The following KDM4A variants were observed in gnomAD, a reference collection of about 807,000 sequenced individuals.
KDM4A encodes lysine-specific demethylase 4A.
KDM4A carries 23 observed loss-of-function variants against 127.1 expected under a neutral mutation model. The ratio of observed to expected loss-of-function variants is 0.18; its 90% CI spans 0.13 to 0.26. The LOEUF is 0.26. Among genes scored for constraint, KDM4A ranks in the 10% least tolerant of loss-of-function variants. The pLI is 1.00. For missense variants in KDM4A, 890 were observed against 1,329.1 expected (o/e 0.67, Z 5.14); for synonymous variants, 443 against 466.5 (o/e 0.95, Z 0.65).
chr1:43,661,754 C>CATA (rs1660387075), intron 4 of KDM4A, among the ~76,000 whole-genome samples: 1 of 151,394 alleles, frequency 6.6e-6, no homozygotes, highest in African/African-American at 2.4e-5. Context: ...AAAAGTCAGG[C>CATA]ATAATAATAA....
chr1:43,698,899 C>T (rs1250417519), intron 19 of KDM4A, among the ~76,000 whole-genome samples: 1 of 151,206 alleles, frequency 6.6e-6, no homozygotes, highest in Non-Finnish European at 1.5e-5. Flanking sequence ...GGTGATCATC[C>T]CACCTCAGCC....
chr1:43,672,640 G>A (rs1436439190), intron 11 of KDM4A, among the ~76,000 whole-genome samples: 2 of 151,902 alleles, frequency 1.3e-5, no homozygotes, highest in African/African-American at 4.8e-5. Context: ...GACTACAGGC[G>A]CCCACCACCA....
intron 5 of KDM4A, among the ~76,000 whole-genome samples, chr1:43,664,240 T>C (rs1660450415): frequency 6.6e-6 from 1 of 152,036 alleles, no homozygotes; most frequent in Non-Finnish European, 1.5e-5. Flanking sequence ...ATCCAGGCAG[T>C]TGGAACCACA....
rs775653100 is a variant in KDM4A, at chr1:43,691,033, C to T, written c.2226C>T (p.Ser742=). Residue 742 remains serine, a synonymous_variant, in exon 14 of 22, where the codon AGC becomes AGT. Transcript: ENST00000372396. ...TSILVSCKKC[S]VRVHASCYGV... is the part of the protein sequence containing the mutation. ...TACTCGTTTCCTGCAAGAAGTGCAG[C>T]GTCCGGGTCCATGCCAGTGAGTGCT... 1.9e-5 allele frequency: 31 copies of T among 1,614,094 alleles called. No individual in the cohort carries two copies. Among genetic ancestry groups the T allele is most frequent in the South Asian group, 3.3e-5 (3 of 91,074 alleles).
rs142977437 is a variant in KDM4A at position 43,694,190 on chromosome 1, G to A, written c.2484+88G>A. On this transcript the variant is annotated intron_variant, in intron 17 of 21. Transcript: ENST00000372396. This position sits in a 1 kb window ranked among gnomAD's most constrained non-coding sequence, Gnocchi z 5.2. ...GGACCTCCTGTACCCCTTGGTTTTG[G>A]TTAGAGTTTGTGATTCTCACTCTGT... 3 of 1,027,308 alleles carry A rather than the reference G, an allele frequency of 2.9e-6. No individual in the cohort carries two copies. Among genetic ancestry groups the A allele is most frequent in the East Asian group, 2.6e-5 (1 of 38,550 alleles). The allele number at this position is 1,027,308 out of a possible 1,614,324, so 63.6% of individuals were successfully genotyped here.
At chr1:43,664,327 G>A (rs1025501917) in intron 5 of KDM4A, among the ~76,000 whole-genome samples, 1 of 152,008 alleles carries the variant, frequency 6.6e-6, no homozygotes, top group Admixed American at 6.6e-5. Context: ...AGCACTTTGG[G>A]AAGCCGAGGT....
intron 2 of KDM4A, chr1:43,653,771 T>G (rs1660172366): frequency 6.6e-6 from 1 of 152,454 alleles, no homozygotes; most frequent in African/African-American, 2.4e-5. Flanking sequence ...TAATTTGAAA[T>G]TGGTTTCTGG....
intron 19 of KDM4A, 59 bp downstream of exon 19, chr1:43,698,072 G>T: frequency 6.4e-7 from 1 of 1,555,762 alleles, no homozygotes. Flanking sequence ...TCTAAGGTCT[G>T]GCTGGCAGAC....
At chr1:43,653,031 G>A (rs1383244345) in intron 1 of KDM4A, 106 bp from the exon 2 acceptor site, 3 of 610,990 alleles carry the variant, frequency 4.9e-6, no homozygotes, top group East Asian at 6.8e-5. Flanking sequence ...AGTCTTAACT[G>A]TGTCTTTTGA....
At chr1:43,701,579 C>T (rs1020491140) in intron 19 of KDM4A, among the ~76,000 whole-genome samples, 1 of 152,208 alleles carries the variant, frequency 6.6e-6, no homozygotes, top group Admixed American at 6.5e-5. Flanking sequence ...ACTGCAGCCT[C>T]ATCCTCCCGG....
In KDM4A at chr1:43,688,973, C is replaced by G; in HGVS notation, c.1915C>G (p.Pro639Ala). Residue 639 changes from proline to alanine, a missense_variant, in exon 13 of 22, where the codon CCT (proline) becomes GCT (alanine). By Grantham distance (27) the Pro-to-Ala change is conservative. Around this residue, in one of 7 missense-constraint regions of KDM4A, gnomAD observed 389 missense variants for 485.9 expected, o/e 0.80. Transcript: ENST00000372396. The surrounding 1 kb of genome is among the most constrained non-coding windows in gnomAD (Gnocchi z 4.4). ...TGAGGAGACAGAGGCCTGGGCCAAG[C>G]CTCTGAGCCAACTGTGGCAGAACCG... is the stretch of plus-strand genomic sequence containing the variant. ...EAEETEAWAK[P>A]LSQLWQNRPP... 1.9e-6 allele frequency: 3 copies of G among 1,614,212 alleles called. No homozygotes were observed. Among genetic ancestry groups the G allele is most frequent in the Non-Finnish European group, 2.5e-6 (3 of 1,180,038 alleles).
intron 5 of KDM4A, among the ~76,000 whole-genome samples, chr1:43,664,286 G>A (rs1055824110): frequency 1.3e-5 from 2 of 152,176 alleles, no homozygotes; most frequent in African/African-American, 2.4e-5. Context: ...GCACATGAGG[G>A]CCAGGCGTGG....
chr1:43,683,403 C>A (rs957829393), intron 11 of KDM4A, among the ~76,000 whole-genome samples: 16 of 152,226 alleles, frequency 1.1e-4, no homozygotes, highest in African/African-American at 3.4e-4. Context: ...TCTCTCAGAG[C>A]TGGAGCAGGC....
chr1:43,670,988 A>AACT (rs1242348456), intron 10 of KDM4A, among the ~76,000 whole-genome samples: 1 of 152,230 alleles, frequency 6.6e-6, no homozygotes, highest in Non-Finnish European at 1.5e-5. Flanking sequence ...TACAGTTTTG[A>AACT]ACTACTGCTC....
intron 3 of KDM4A, 31 bp downstream of exon 3, chr1:43,655,797 G>A: frequency 6.3e-7 from 1 of 1,578,652 alleles, no homozygotes; most frequent in South Asian, 1.2e-5. Context: ...ACCTGACATA[G>A]CACCTAGGAC....
chr1:43,679,077 A>G (rs890857607), intron 11 of KDM4A, among the ~76,000 whole-genome samples: 4 of 152,004 alleles, frequency 2.6e-5, no homozygotes, highest in Non-Finnish European at 1.5e-5. Context: ...TCAGATAACT[A>G]CCTCTGCTTA....
intron 7 of KDM4A, 25 bp from the exon 8 acceptor site, chr1:43,666,929 C>T (rs903850506): frequency 2.5e-6 from 4 of 1,612,024 alleles, no homozygotes; most frequent in Admixed American, 3.3e-5. Context: ...TTTGAAGCAG[C>T]TGCTTCAAGT....
At chr1:43,691,675 G>A in intron 15 of KDM4A, 103 bp downstream of exon 15, 2 of 967,992 alleles carry the variant, frequency 2.1e-6, no homozygotes, top group South Asian at 1.3e-5. Flanking sequence ...GTCTGCATAG[G>A]GTCTGGTACG....
At chr1:43,689,931 G>T (rs1410907555) in intron 13 of KDM4A, among the ~76,000 whole-genome samples, 2 of 152,216 alleles carry the variant, frequency 1.3e-5, no homozygotes, top group Non-Finnish European at 2.9e-5. Flanking sequence ...TTGCCTATGA[G>T]GGGAGTGAAT....
Sources: allele counts gnomAD v4.1 joint callset (sites outside exome capture counted in the v4.1 genomes callset), GRCh38; gene constraint gnomAD v4.1.1; regional missense constraint gnomAD v4.1.1; non-coding constraint Gnocchi (gnomAD v3.1); transcripts MANE v1.5; gene names NCBI Gene and HGNC (gene_info 2026-07-23, HGNC 2026-07-21).